Variants in COQ8A observed in about 807,000 individuals in gnomAD.
The protein encoded by COQ8A is atypical kinase COQ8A, mitochondrial.
Under a neutral mutation model 65.0 loss-of-function variants are expected in COQ8A, and 51 were observed. That is an observed-to-expected ratio of 0.78 (90% CI 0.63 to 0.99). The LOEUF is 0.99. Among genes scored for constraint, COQ8A ranks in the 50% least tolerant of loss-of-function variants. The pLI is 0.00. For missense variants in COQ8A, 940 were observed against 875.0 expected (o/e 1.07, Z -0.94); for synonymous variants, 371 against 353.2 (o/e 1.05, Z -0.57).
At chr1:226,983,278 A>G in intron 8 of COQ8A, 2 of 681,486 alleles carry the variant, frequency 2.9e-6, no homozygotes, top group South Asian at 3.8e-5. Flanking sequence ...GTGGGCAAGG[A>G]CAGGGGACAA....
At chr1:226,957,893 C>T (rs905903529) in intron 1 of COQ8A, among the ~76,000 whole-genome samples, 1 of 152,126 alleles carries the variant, frequency 6.6e-6, no homozygotes, top group African/African-American at 2.4e-5. Context: ...ATGAGTGAGA[C>T]GGTGTCCCTG....
intron 1 of COQ8A, among the ~76,000 whole-genome samples, chr1:226,943,462 C>T (rs534037743): frequency 2.6e-5 from 4 of 152,112 alleles, no homozygotes; most frequent in Admixed American, 2.0e-4. Flanking sequence ...GGGAGCCCCA[C>T]GGAGGTGGTT....
intron 1 of COQ8A, among the ~76,000 whole-genome samples, chr1:226,947,794 C>CAAA (rs1025747690): frequency 9.6e-6 from 1 of 104,308 alleles, no homozygotes; most frequent in African/African-American, 4.2e-5. Context: ...GACCCTGTCT[C>CAAA]AAAAAAATAT....
At chr1:226,965,481 C>T in intron 3 of COQ8A, 71 bp downstream of exon 3, 1 of 1,571,168 alleles carries the variant, frequency 6.4e-7, no homozygotes, top group East Asian at 2.3e-5. Flanking sequence ...GGGCTCTGCT[C>T]TAGGGACTTT....
intron 1 of COQ8A, among the ~76,000 whole-genome samples, chr1:226,954,306 T>G (rs1657559012): frequency 6.6e-6 from 1 of 152,194 alleles, no homozygotes; most frequent in Non-Finnish European, 1.5e-5. Flanking sequence ...GGAAGAGGGT[T>G]TCAGGGGGAG....
chr1:226,965,424 G>T lies in COQ8A; in HGVS notation c.588+14G>T, dbSNP rs780996334. ...CACAAACAGACGGTGCGTATGGGAG[G>T]CCCCTGGAGGGCCGAGGTAGCTGCC... On this transcript the variant is annotated intron_variant, in intron 3 of 14. Coordinates refer to ENST00000366777, the MANE Select transcript of COQ8A (RefSeq NM_020247.5). 8 of 1,604,112 alleles carry T rather than the reference G, an allele frequency of 5.0e-6. No homozygotes were observed. The Admixed American group carries it at 1.4e-4, about 28-fold the overall frequency.
At chr1:226,979,850 A>G (rs1456266707) in intron 5 of COQ8A, among the ~76,000 whole-genome samples, 1 of 152,186 alleles carries the variant, frequency 6.6e-6, no homozygotes, top group Non-Finnish European at 1.5e-5. Context: ...TCTCTGGGAA[A>G]TGAAGCCTGG....
At chr1:226,953,995 G>A (rs974586705) in intron 1 of COQ8A, among the ~76,000 whole-genome samples, 1 of 152,232 alleles carries the variant, frequency 6.6e-6, no homozygotes, top group African/African-American at 2.4e-5. Context: ...GTAAAGGAAT[G>A]TTTCAGTGCC....
chr1:226,957,281 GC>G (rs552731385), intron 1 of COQ8A, among the ~76,000 whole-genome samples: 3,696 of 29,026 alleles, frequency 0.13, 132 homozygotes, highest in African/African-American at 0.17. Context: ...CACTCTCCCT[GC>G]CCCCCCCCCC....
chr1:226,984,297 C>T (rs1051977825), intron 11 of COQ8A, 62 bp downstream of exon 11: 28 of 1,604,882 alleles, frequency 1.7e-5, no homozygotes, highest in Non-Finnish European at 2.3e-5. Flanking sequence ...TGTTTGGTGA[C>T]CTAATAGTGT....
rs192206126 is a variant in COQ8A at position 226,946,298 on chromosome 1, T to C, written c.-10+5899T>C. ...AGGAGATGACTTGCCTATGGAGGGG[T>C]TTACCAGTCCAGCAGGGTGGCCAAG... On this transcript the variant is annotated intron_variant, in intron 1 of 14. Transcript: ENST00000366777. This position sits in a 1 kb window ranked among gnomAD's most constrained non-coding sequence, Gnocchi z 5.3. Among the ~76,000 whole-genome samples, 85 of 151,900 alleles carry C rather than the reference T, an allele frequency of 5.6e-4. No homozygotes were observed. The highest frequency in any genetic ancestry group is 1.2e-3 in the Admixed American group (18 of 15,270).
intron 1 of COQ8A, among the ~76,000 whole-genome samples, chr1:226,947,316 A>AT (rs1657098446): frequency 6.6e-6 from 1 of 152,158 alleles, no homozygotes; most frequent in Non-Finnish European, 1.5e-5. Flanking sequence ...GGCCCTTAGG[A>AT]GATTGCTCAG....
intron 1 of COQ8A, chr1:226,958,267 C>T (rs1490806104): frequency 7.2e-5 from 11 of 152,230 alleles, no homozygotes; most frequent in African/African-American, 1.4e-4. Flanking sequence ...CACAAAAGCC[C>T]GTTAGAGCAG....
chr1:226,959,788 C>G (rs572556844), intron 1 of COQ8A, among the ~76,000 whole-genome samples: 1 of 152,182 alleles, frequency 6.6e-6, no homozygotes, highest in African/African-American at 2.4e-5. Flanking sequence ...GGGCTTGGCA[C>G]CAGTTGGGAG....
rs1216964780 is a variant in COQ8A, at chr1:226,984,177, TG to T, written c.1342del (p.Val448CysfsTer29). 6.2e-7 allele frequency: 1 copy of T among 1,613,714 alleles called. No homozygotes were observed. Among genetic ancestry groups the T allele is most frequent in the East Asian group, 2.2e-5 (1 of 44,870 alleles). On this transcript the variant is annotated frameshift_variant, in exon 11 of 15. Transcript: ENST00000366777. LOFTEE classifies it high-confidence loss of function. Reference protein sequence around the residue: ...LCSPHVLTTELVSGFPLDQAE... With the variant: ...LCSPHVLTTEXVSGFPLDQAE... ...AGCCCACATGTGCTGACCACAGAGC[TG>T]GTGTCTGGCTTCCCCCTGGACCAGG...
chr1:226,982,035 G>A lies in COQ8A; in HGVS notation c.739G>A (p.Ala247Thr). ...LRSEDPSGKK[A>T]VLGSSPFLSE... is the part of the protein sequence containing the mutation. ...CTCTTGCCCGCCCACAGGGAAGAAG[G>A]CCGTGCTGGGTTCCAGTCCTTTCCT... Residue 247 changes from alanine (A) to threonine (T), a missense_variant, in exon 6 of 15, where the codon GCC (alanine) becomes ACC (threonine). Transcript: ENST00000366777. The A allele has an allele frequency of 1.2e-6, 2 of 1,612,902 alleles. No individual in the cohort carries two copies. The highest frequency in any genetic ancestry group is 1.7e-6 in the Non-Finnish European group (2 of 1,179,998).
At chr1:226,957,093 C>G (rs1193399813) in intron 1 of COQ8A, among the ~76,000 whole-genome samples, 22 of 150,786 alleles carry the variant, frequency 1.5e-4, no homozygotes, top group African/African-American at 5.4e-4. Context: ...CTCCCTGGTT[C>G]ACACTCTCCC....
chr1:226,971,832 T>A (rs1202884905), intron 4 of COQ8A, among the ~76,000 whole-genome samples: 1 of 152,198 alleles, frequency 6.6e-6, no homozygotes, highest in Non-Finnish European at 1.5e-5. Context: ...TTGAGTGTGG[T>A]TTGCTTTGTA....
intron 1 of COQ8A, among the ~76,000 whole-genome samples, chr1:226,948,773 A>G (rs1160381209): frequency 6.6e-6 from 1 of 152,200 alleles, no homozygotes; most frequent in Non-Finnish European, 1.5e-5. Context: ...AGAGAGGTCC[A>G]TGTGCAAGAA....
Sources: gnomAD v4.1 joint callset for allele counts (sites outside exome capture counted in the v4.1 genomes callset) on GRCh38, gnomAD v4.1.1 for gene constraint, Gnocchi (gnomAD v3.1) non-coding constraint, MANE v1.5 for transcripts, NCBI Gene and HGNC (gene_info 2026-07-23, HGNC 2026-07-21) for gene names.